The following PLEKHD1 variants were observed in gnomAD, a reference collection of about 807,000 sequenced individuals.
The protein encoded by PLEKHD1 is pleckstrin homology domain-containing family D member 1.
A neutral mutation model predicts 69.2 loss-of-function variants in PLEKHD1; 51 were observed. The ratio of observed to expected loss-of-function variants is 0.74; its 90% CI spans 0.59 to 0.93. The LOEUF (loss-of-function observed/expected upper bound fraction) is 0.93. Ranked by LOEUF, PLEKHD1 falls within the 40% of genes least tolerant of loss-of-function variation. The probability of loss-of-function intolerance (pLI) is 0.00; values close to 1 mark genes in which losing one functional copy is unlikely to be tolerated. For synonymous variants in PLEKHD1, 236 were observed against 244.7 expected, an observed-to-expected ratio of 0.96 and a Z score of 0.33; for missense variants, 584 against 641.0, an observed-to-expected ratio of 0.91 and a Z score of 0.96.
intron 6 of PLEKHD1, among the ~76,000 whole-genome samples, chr14:69,521,069 C>G (rs1024095883): frequency 6.6e-6 from 1 of 152,104 alleles, no homozygotes; most frequent in African/African-American, 2.4e-5. Context: ...GAGTTCAAGG[C>G]GGCAATGAGC....
intron 6 of PLEKHD1, among the ~76,000 whole-genome samples, chr14:69,513,267 TA>T (rs1267163142): frequency 6.6e-6 from 1 of 150,610 alleles, no homozygotes; most frequent in African/African-American, 2.5e-5. Context: ...TAAAATAAAA[TA>T]AAATAAAAAA....
chr14:69,515,413 C>CCAGTACTGGTTCCCATGGAGGTTT (rs549603588), intron 6 of PLEKHD1, among the ~76,000 whole-genome samples: 197 of 152,280 alleles, frequency 1.3e-3, no homozygotes, highest in Middle Eastern at 6.8e-3. Context: ...TTTTCCTACC[C>CCAGTACTGGTTCCCATGGAGGTTT]CAGTACTGGT....
intron 1 of PLEKHD1, among the ~76,000 whole-genome samples, chr14:69,486,390 G>A (rs188026503): frequency 6.6e-6 from 1 of 152,214 alleles, no homozygotes; most frequent in African/African-American, 2.4e-5. Context: ...GGATTTAATG[G>A]GATACAGGCT....
At chr14:69,521,150 TTAATAA>T (rs1400638392) in intron 6 of PLEKHD1, among the ~76,000 whole-genome samples, 1 of 152,034 alleles carries the variant, frequency 6.6e-6, no homozygotes, top group African/African-American at 2.4e-5. Flanking sequence ...CATAATAATA[TTAATAA>T]TAATACCAGT....
chr14:69,486,111 G>A (rs1882649688), intron 1 of PLEKHD1, among the ~76,000 whole-genome samples: 1 of 152,176 alleles, frequency 6.6e-6, no homozygotes, highest in South Asian at 2.1e-4. Context: ...CCCTTCCGCG[G>A]AGGTGTGACC....
At position 69,528,585 on chromosome 14, in the gene PLEKHD1, A is replaced by G. The variant is rs1035648983; in HGVS notation, c.*166A>G. ...GGGGCCAGCCTTGCCCTCAAAGGAC[A>G]TGGACGCTGCCTTCCTCATCCTCAC... On this transcript the variant is annotated 3_prime_UTR_variant, in exon 13 of 13. Transcript: ENST00000322564. 1.2e-5 allele frequency: 11 copies of G among 944,422 alleles called. No homozygotes were observed. The highest frequency in any genetic ancestry group is 1.7e-5 in the African/African-American group (1 of 60,100). 58.5% of individuals were successfully genotyped at this position (944,422 alleles called of 1,614,324 possible).
At chr14:69,474,779 A>C in the PLEKHD1 span, among the ~76,000 whole-genome samples, 1 of 152,244 alleles carries the variant, frequency 6.6e-6, no homozygotes, top group African/African-American at 2.4e-5. Flanking sequence ...ACAAAGCCAG[A>C]AAAGAACATG....
intron 1 of PLEKHD1, among the ~76,000 whole-genome samples, chr14:69,486,340 G>C (rs1413706704): frequency 6.6e-6 from 1 of 152,166 alleles, no homozygotes; most frequent in Non-Finnish European, 1.5e-5. Flanking sequence ...TATATCTCTG[G>C]TTTCATGTTG....
chr14:69,501,857 C>T, intron 5 of PLEKHD1, 32 bp downstream of exon 5: 1 of 1,510,208 alleles, frequency 6.6e-7, no homozygotes, highest in Non-Finnish European at 9.0e-7. Context: ...CTAATGGTAG[C>T]AGCACTTGGG....
chr14:69,530,393 GTA>G lies in PLEKHD1; in HGVS notation c.*1977_*1978del, dbSNP rs1469077099. 2 of 152,198 alleles carry G rather than the reference GTA, an allele frequency of 1.3e-5. No individual in the cohort carries two copies. Among genetic ancestry groups the G allele is most frequent in the Non-Finnish European group, 2.9e-5 (2 of 68,044 alleles). The allele number at this position is 152,198 out of a possible 1,614,324, so 9.4% of individuals were successfully genotyped here. A position where few individuals can be genotyped will look rare whatever the true frequency, so the allele number is the denominator to read the frequency against. ...AGCCTAAATGTAAAACTTTAAACGTGTATAACATGCATAAACCTGGAACTTGT... is the reference window on the plus strand; with the variant it reads ...AGCCTAAATGTAAAACTTTAAACGTGTAACATGCATAAACCTGGAACTTGT... On this transcript the variant is annotated 3_prime_UTR_variant, in exon 13 of 13. Transcript: ENST00000322564.
chr14:69,507,456 A>C (rs1883177615), intron 6 of PLEKHD1, among the ~76,000 whole-genome samples: 2 of 152,332 alleles, frequency 1.3e-5, no homozygotes, highest in Non-Finnish European at 2.9e-5. Flanking sequence ...TTATGAATAA[A>C]ATTGCTATAA....
intron 1 of PLEKHD1, among the ~76,000 whole-genome samples, chr14:69,493,526 G>A (rs988163310): frequency 2.6e-5 from 4 of 152,222 alleles, no homozygotes; most frequent in Non-Finnish European, 5.9e-5. Flanking sequence ...CCGCCATTCT[G>A]AGTTGTGTGA....
At chr14:69,490,743 A>C (rs924614337) in intron 1 of PLEKHD1, among the ~76,000 whole-genome samples, 1 of 152,206 alleles carries the variant, frequency 6.6e-6, no homozygotes, top group South Asian at 2.1e-4. Context: ...CAGGCCATCC[A>C]GAATGGACAC....
intron 6 of PLEKHD1, among the ~76,000 whole-genome samples, chr14:69,519,516 C>A (rs1238033861): frequency 1.3e-5 from 2 of 152,140 alleles, no homozygotes; most frequent in African/African-American, 4.8e-5. Context: ...CACCTTATCA[C>A]ATATATAGGG....
At chr14:69,511,892 A>G (rs1883280450) in intron 6 of PLEKHD1, among the ~76,000 whole-genome samples, 1 of 152,158 alleles carries the variant, frequency 6.6e-6, no homozygotes, top group South Asian at 2.1e-4. Flanking sequence ...GGTTTTGGTA[A>G]GGTAATTCTA....
intron 8 of PLEKHD1, among the ~76,000 whole-genome samples, chr14:69,524,722 G>T (rs767212472): frequency 6.6e-6 from 1 of 152,160 alleles, no homozygotes; most frequent in Non-Finnish European, 1.5e-5. Context: ...GAAATCAACT[G>T]CCAGGTCACC....
chr14:69,495,950 A>T (rs911956912), intron 1 of PLEKHD1, among the ~76,000 whole-genome samples: 12 of 152,220 alleles, frequency 7.9e-5, no homozygotes, highest in African/African-American at 2.7e-4. Flanking sequence ...GTAAGCTCTA[A>T]GGAGACAGGG....
chr14:69,482,085 C>T (rs1882551327), upstream of PLEKHD1, among the ~76,000 whole-genome samples: 1 of 152,230 alleles, frequency 6.6e-6, no homozygotes, highest in African/African-American at 2.4e-5. Context: ...AGCTGTTTGC[C>T]TCAGAGCCTT....
intron 7 of PLEKHD1, among the ~76,000 whole-genome samples, chr14:69,523,699 T>C (rs1883573307): frequency 1.3e-5 from 2 of 152,080 alleles, no homozygotes; most frequent in South Asian, 4.1e-4. Context: ...AATACAGGGC[T>C]GAGTGAGATG....
Sources: gnomAD v4.1 joint callset for allele counts (sites outside exome capture counted in the v4.1 genomes callset) on GRCh38, gnomAD v4.1.1 for gene constraint, MANE v1.5 for transcripts, NCBI Gene and HGNC (gene_info 2026-07-23, HGNC 2026-07-21) for gene names.